The following SOX6 variants were observed in gnomAD, a reference collection of about 807,000 sequenced individuals.
SOX6 encodes SRY-box transcription factor 6, also known as transcription factor SOX-6.
A neutral mutation model predicts 97.8 loss-of-function variants in SOX6; 11 were observed. That is an observed-to-expected ratio of 0.11 (90% CI 0.07 to 0.19). The LOEUF (loss-of-function observed/expected upper bound fraction) is 0.19. SOX6 is among the 10% of genes least tolerant of loss of function. SOX6 has a pLI of 1.00. For missense variants in SOX6, 810 were observed against 1,039.5 expected (o/e 0.78, Z 3.04); for synonymous variants, 360 against 371.4 (o/e 0.97, Z 0.35).
intron 6 of SOX6, among the ~76,000 whole-genome samples, chr11:16,173,297 A>G (rs1041790847): frequency 6.6e-6 from 1 of 151,746 alleles, no homozygotes; most frequent in Non-Finnish European, 1.5e-5. Flanking sequence ...TTAGAACTGG[A>G]GTATATCCTT....
chr11:16,701,326 C>T (rs942547587), intron 3 of SOX6, among the ~76,000 whole-genome samples: 3 of 152,058 alleles, frequency 2.0e-5, no homozygotes, highest in African/African-American at 4.8e-5. Context: ...AAAATGGGAA[C>T]ATTTATTCTT....
intron 3 of SOX6, among the ~76,000 whole-genome samples, chr11:16,665,414 C>A (rs112933475): frequency 6.6e-6 from 1 of 152,284 alleles, no homozygotes; most frequent in African/African-American, 2.4e-5. Flanking sequence ...GCAATATGTG[C>A]CACAGGGCAG....
chr11:16,706,013 A>G lies in SOX6; in HGVS notation n.429+8817T>C, dbSNP rs1848129681. 2.6e-5 allele frequency among the ~76,000 whole-genome samples: 4 copies of G among 152,296 alleles called. No homozygotes were observed. In the South Asian group the frequency reaches 8.3e-4, roughly 32 times the overall value. ...AATTACACTAGCTATAAGTGGATTC[A>G]ACTCTCTAATTGAAAGGGGGAAATT... On this transcript the variant is annotated intron_variant and non_coding_transcript_variant, in intron 3 of 5. Coordinates refer to the SOX6 transcript ENST00000524520.
intron 4 of SOX6, among the ~76,000 whole-genome samples, chr11:16,602,094 A>C (rs1372232515): frequency 6.6e-6 from 1 of 152,244 alleles, no homozygotes; most frequent in African/African-American, 2.4e-5. Flanking sequence ...ATGCTCCATA[A>C]TAAAGAACTC....
chr11:16,255,507 G>A (rs1853655575), intron 3 of SOX6, among the ~76,000 whole-genome samples: 1 of 152,082 alleles, frequency 6.6e-6, no homozygotes, highest in Admixed American at 6.6e-5. Context: ...AATAACACAT[G>A]TGTTAATGAA....
chr11:16,533,930 T>G (rs1037721537), intron 4 of SOX6, among the ~76,000 whole-genome samples: 1 of 152,160 alleles, frequency 6.6e-6, no homozygotes, highest in South Asian at 2.1e-4. Context: ...CTACATCTGT[T>G]GAGCACATGT....
chr11:16,109,816 CT>C (rs948619252), intron 7 of SOX6, among the ~76,000 whole-genome samples: 2 of 152,010 alleles, frequency 1.3e-5, no homozygotes, highest in East Asian at 1.9e-4. Context: ...AAAGTAAACA[CT>C]TTTTTTTACC....
At chr11:16,497,112 G>A (rs1346239216) in intron 4 of SOX6, among the ~76,000 whole-genome samples, 2 of 152,154 alleles carry the variant, frequency 1.3e-5, no homozygotes, top group Non-Finnish European at 2.9e-5. Context: ...ACTCCTCTGA[G>A]ACAAAACTTC....
At chr11:16,427,325 TTTTC>T (rs1170392913) in intron 1 of SOX6, among the ~76,000 whole-genome samples, 1 of 9,532 alleles carries the variant, frequency 1.0e-4, no homozygotes, top group Non-Finnish European at 2.2e-4. Flanking sequence ...GACCATGCAC[TTTTC>T]TTTTTTTTTT....
In SOX6 at chr11:16,426,636, C is replaced by T. The variant is rs550222123; in HGVS notation, c.-5+49679G>A. Among the ~76,000 whole-genome samples, 122 of 152,160 alleles carry T rather than the reference C, an allele frequency of 8.0e-4. 1 individual carries two copies. Among genetic ancestry groups the T allele is most frequent in the African/African-American group, 2.1e-3 (87 of 41,500 alleles). On this transcript the variant is annotated intron_variant, in intron 1 of 15. Coordinates refer to the SOX6 transcript ENST00000396356. Reference sequence around the variant, plus strand: ...AGATTAAAACTGGATCCCTTCTGGCCGGGCGCGGTGGCTCACGCCTGTAAT... The same window carrying T: ...AGATTAAAACTGGATCCCTTCTGGCTGGGCGCGGTGGCTCACGCCTGTAAT...
chr11:16,579,601 T>C (rs1848012931), intron 4 of SOX6, among the ~76,000 whole-genome samples: 1 of 152,170 alleles, frequency 6.6e-6, no homozygotes, highest in South Asian at 2.1e-4. Flanking sequence ...CCATATAATG[T>C]CTGTGAAAAT....
chr11:16,409,581 T>A (rs1365900242), intron 1 of SOX6, among the ~76,000 whole-genome samples: 1 of 152,146 alleles, frequency 6.6e-6, no homozygotes, highest in Non-Finnish European at 1.5e-5. Flanking sequence ...CAAATATCCT[T>A]TAAATTTTAA....
chr11:16,090,793 C>A (rs1431658034), intron 9 of SOX6, among the ~76,000 whole-genome samples: 1 of 151,946 alleles, frequency 6.6e-6, no homozygotes, highest in Non-Finnish European at 1.5e-5. Flanking sequence ...TTAACTTATA[C>A]TCTAGTAGGT....
chr11:16,510,348 T>C (rs932881515), intron 4 of SOX6, among the ~76,000 whole-genome samples: 3 of 152,106 alleles, frequency 2.0e-5, no homozygotes, highest in Admixed American at 6.6e-5. Flanking sequence ...CTTAATTCTA[T>C]ACCGCCCTAT....
chr11:16,395,765 T>C (rs1212061004), intron 1 of SOX6, among the ~76,000 whole-genome samples: 2 of 151,742 alleles, frequency 1.3e-5, no homozygotes, highest in Non-Finnish European at 3.0e-5. Flanking sequence ...TTAAGAAGCA[T>C]GGGAATGAAA....
intron 3 of SOX6, among the ~76,000 whole-genome samples, chr11:16,297,363 T>C (rs922101883): frequency 3.3e-5 from 5 of 152,304 alleles, no homozygotes; most frequent in Middle Eastern, 6.8e-3. Context: ...TATAGTATTA[T>C]GAATATTTCA....
chr11:16,081,175 T>G (rs1290237584), intron 9 of SOX6, among the ~76,000 whole-genome samples: 1 of 152,140 alleles, frequency 6.6e-6, no homozygotes, highest in Non-Finnish European at 1.5e-5. Flanking sequence ...TAATGGAGTT[T>G]CTGTTCTGTA....
At chr11:16,166,504 C>T (rs562125316) in intron 6 of SOX6, among the ~76,000 whole-genome samples, 11 of 152,282 alleles carry the variant, frequency 7.2e-5, no homozygotes, top group Admixed American at 7.2e-4. Context: ...CAACATCTCC[C>T]ATGTGCAAAG....
intron 6 of SOX6, among the ~76,000 whole-genome samples, chr11:16,123,329 G>T (rs552463060): frequency 6.6e-6 from 1 of 151,966 alleles, no homozygotes; most frequent in Non-Finnish European, 1.5e-5. Context: ...AAGCAAGAAG[G>T]CCTGAGAAAC....
Sources: allele counts gnomAD v4.1 joint callset (sites outside exome capture counted in the v4.1 genomes callset), GRCh38; gene constraint gnomAD v4.1.1; transcripts MANE v1.5; gene names NCBI Gene and HGNC (gene_info 2026-07-23, HGNC 2026-07-21).